The following DNAH17 variants were observed in gnomAD, a reference collection of about 807,000 sequenced individuals.
The protein encoded by DNAH17 is dynein axonemal heavy chain 17.
A neutral mutation model predicts 485.6 loss-of-function variants in DNAH17; 376 were observed. That is an observed-to-expected ratio of 0.77 (90% confidence interval 0.71 to 0.84). The LOEUF (loss-of-function observed/expected upper bound fraction) is 0.84, where lower values mean the gene tolerates loss of function less well. Among genes scored for constraint, DNAH17 ranks in the 40% least tolerant of loss-of-function variants. DNAH17 has a pLI of 0.00. For synonymous variants in DNAH17, 3,031 were observed against 2,405.9 expected (o/e 1.26, Z -7.60); for missense variants, 6,370 against 5,839.3 (o/e 1.09, Z -2.96).
In DNAH17 at chr17:78,515,133, T is replaced by C. The variant is rs2090747612; in HGVS notation, c.3865-111A>G. 4.1e-6 allele frequency: 5 copies of C among 1,233,590 alleles called. No individual in the cohort carries two copies. In the East Asian group the frequency reaches 1.2e-4, roughly 31 times the overall value. 76.4% of individuals were successfully genotyped at this position (1,233,590 alleles called of 1,614,324 possible). A position where few individuals can be genotyped will look rare whatever the true frequency, so the allele number is the denominator to read the frequency against. On this transcript the variant is annotated intron_variant, in intron 25 of 80. Coordinates refer to ENST00000389840, the MANE Select transcript of DNAH17 (RefSeq NM_173628.4). The stretch of plus-strand genomic sequence containing the variant: ...GCAGGGAGCAAAGCCCAGTGAGGAA[T>C]ATTTAGAACTAATACCCGAGATCAG...
chr17:78,535,645 C>A (rs935813548), intron 19 of DNAH17, among the ~76,000 whole-genome samples: 12 of 152,214 alleles, frequency 7.9e-5, no homozygotes, highest in African/African-American at 2.7e-4. Context: ...TCAAACAACG[C>A]AGAAATGCAT....
At chr17:78,521,640 A>T (rs377400165) in intron 25 of DNAH17, among the ~76,000 whole-genome samples, 13 of 152,324 alleles carry the variant, frequency 8.5e-5, no homozygotes, top group South Asian at 2.1e-4. Flanking sequence ...CTATGAAAGG[A>T]AAAATTGATA....
intron 13 of DNAH17, 97 bp from the exon 14 acceptor site, chr17:78,558,351 G>A: frequency 1.4e-6 from 2 of 1,439,580 alleles, no homozygotes; most frequent in Non-Finnish European, 1.9e-6. Flanking sequence ...GGGATGTTTT[G>A]ACAGCCGGGG....
chr17:78,481,249 C>A lies in DNAH17; in HGVS notation c.7650-463G>T, dbSNP rs144316664. On this transcript the variant is annotated intron_variant, in intron 48 of 80. Coordinates refer to ENST00000389840, the MANE Select transcript of DNAH17 (RefSeq NM_173628.4). The stretch of plus-strand genomic sequence containing the variant: ...TCCCGAGTAGCTGAGACTACAGGTG[C>A]CCGCCACCATGCCTGGCTAATTTTT... Among the ~76,000 whole-genome samples, 1,461 of 151,048 alleles carry A rather than the reference C, an allele frequency of 9.7e-3. 17 individuals carry two copies. The highest frequency in any genetic ancestry group is 0.033 in the African/African-American group (1,337 of 41,042).
Position 78,503,101 on chromosome 17 carries a change from A to G in DNAH17, c.4957-90T>C, listed in dbSNP as rs919042189. ...GTTTGTATTTGTTGTAAAGAAAAACATTTCTCATCATCCTCATCCCAGGGG... is the reference window on the plus strand; with the variant it reads ...GTTTGTATTTGTTGTAAAGAAAAACGTTTCTCATCATCCTCATCCCAGGGG... On this transcript the variant is annotated intron_variant, in intron 31 of 80. Transcript: ENST00000389840. 2.7e-5 allele frequency: 39 copies of G among 1,446,320 alleles called. No individual in the cohort carries two copies. The African/African-American group carries it at 5.4e-4, about 20-fold the overall frequency. 89.6% of individuals were successfully genotyped at this position (1,446,320 alleles called of 1,614,324 possible). A position where few individuals can be genotyped will look rare whatever the true frequency, so the allele number is the denominator to read the frequency against.
At chr17:78,548,352 C>T (rs1261304341) in intron 16 of DNAH17, among the ~76,000 whole-genome samples, 1 of 151,874 alleles carries the variant, frequency 6.6e-6, no homozygotes, top group Non-Finnish European at 1.5e-5. Context: ...CTACAGGCGC[C>T]CGCCACTACA....
chr17:78,472,467 G>C (rs1040145496), intron 54 of DNAH17, among the ~76,000 whole-genome samples: 9 of 152,142 alleles, frequency 5.9e-5, no homozygotes, highest in African/African-American at 2.2e-4. Flanking sequence ...TCATTTGCAG[G>C]AAGCTGGCGG....
chr17:78,543,671 C>T (rs1008686195), intron 17 of DNAH17, 186 bp downstream of exon 17: 20 of 838,406 alleles, frequency 2.4e-5, no homozygotes, highest in African/African-American at 6.7e-5. Context: ...GTGATCCGCC[C>T]GACTCAGCCT....
chr17:78,443,739 G>C (rs949738550), intron 71 of DNAH17, among the ~76,000 whole-genome samples: 1 of 152,052 alleles, frequency 6.6e-6, no homozygotes, highest in Non-Finnish European at 1.5e-5. Context: ...TTGTAGAGAT[G>C]GGGTCTCACT....
rs143375889 is a variant in DNAH17, at chr17:78,479,116, G to T, written c.7901C>A (p.Ala2634Asp). Residue 2634 changes from alanine to aspartate, a missense_variant and splice_region_variant, in exon 51 of 81, where the codon GCT (alanine) becomes GAT (aspartate). By Grantham distance (126) the Ala-to-Asp change is moderately radical. Transcript: ENST00000389840. ...TGTTGCCGTGATTTTCTGATGCAAA[G>T]CTGTTAGAGGAAAAGGACGTGTCAA... ...ISSQLVAAAL[A>D]LHQKITATFL... 2 of 1,613,854 alleles carry T rather than the reference G, an allele frequency of 1.2e-6. No homozygotes were observed. The highest frequency in any genetic ancestry group is 1.7e-6 in the Non-Finnish European group (2 of 1,179,842).
chr17:78,498,792 C>T (rs2090168016), intron 37 of DNAH17: 10 of 411,754 alleles, frequency 2.4e-5, no homozygotes, highest in Middle Eastern at 5.9e-4. Context: ...CGTTTGCTAC[C>T]ATACATGTAA....
At chr17:78,556,615 C>T (rs2092029398) in intron 14 of DNAH17, among the ~76,000 whole-genome samples, 1 of 152,050 alleles carries the variant, frequency 6.6e-6, no homozygotes, top group East Asian at 1.9e-4. Context: ...GAGTGGAATC[C>T]ATAAGAAATG....
At position 78,425,362 on chromosome 17, in the gene DNAH17, G is replaced by A. The variant is rs1134541; in HGVS notation, c.13125C>T (p.Tyr4375=). The A allele has an allele frequency of 0.095, 153,467 of 1,613,696 alleles. 8,011 individuals are homozygous for A. The highest frequency in any genetic ancestry group is 0.18 in the African/African-American group (13,239 of 74,996). ...TAPPREGSYV[Y]GLFMEGARWD... is the part of the protein sequence containing the mutation. ...CCTCCTTACCTTCCATGAAGAGTCC[G>A]TACACGTAGGAGCCCTCTCGCGGAG... is the stretch of plus-strand genomic sequence containing the variant. Residue 4375 remains tyrosine, a synonymous_variant, in exon 80 of 81, where the codon TAC becomes TAT. Transcript: ENST00000389840.
intron 16 of DNAH17, among the ~76,000 whole-genome samples, chr17:78,548,536 G>A (rs1192577244): frequency 6.6e-6 from 1 of 152,128 alleles, no homozygotes; most frequent in Non-Finnish European, 1.5e-5. Context: ...AAATGTCTTA[G>A]GTTTACTAAA....
rs2092068311 is a variant in DNAH17 at position 78,558,138 on chromosome 17, G to A, written c.2148C>T (p.Asn716=). ...ENETFRKFVG[N]LELIVGWYNE... ...TATACCAGCCAACGATGAGCTCCAG[G>A]TTGCCCACAAACTTCCGGAAAGTTT... Residue 716 remains asparagine, a synonymous_variant, in exon 14 of 81, where the codon AAC becomes AAT. Coordinates refer to ENST00000389840, the MANE Select transcript of DNAH17 (RefSeq NM_173628.4). 2.5e-6 allele frequency: 4 copies of A among 1,613,744 alleles called. No individual in the cohort carries two copies. The highest frequency in any genetic ancestry group is 3.4e-6 in the Non-Finnish European group (4 of 1,179,824).
At chr17:78,548,999 A>T (rs1385652312) in intron 16 of DNAH17, among the ~76,000 whole-genome samples, 1 of 152,222 alleles carries the variant, frequency 6.6e-6, no homozygotes, top group Non-Finnish European at 1.5e-5. Context: ...AGTGATGGGG[A>T]TGGAGACACA....
intron 75 of DNAH17, among the ~76,000 whole-genome samples, chr17:78,429,718 C>T (rs542926742): frequency 1.3e-5 from 2 of 152,224 alleles, no homozygotes; most frequent in Admixed American, 6.5e-5. Flanking sequence ...CTGCCCTTCA[C>T]GGTCCAATTT....
chr17:78,424,229 C>T, intron 80 of DNAH17, 76 bp from the exon 81 acceptor site: 1 of 1,517,330 alleles, frequency 6.6e-7, no homozygotes, highest in Non-Finnish European at 8.8e-7. Context: ...GGGTGGGGTC[C>T]TCACACTCCC....
At position 78,485,761 on chromosome 17, in the gene DNAH17, G is replaced by A. The variant is rs373210362; in HGVS notation, c.7276-4C>T. 59 of 1,612,922 alleles carry A rather than the reference G, an allele frequency of 3.7e-5. No individual in the cohort carries two copies. Among genetic ancestry groups the A allele is most frequent in the Non-Finnish European group, 4.8e-5 (57 of 1,179,394 alleles). ...CCGTGGTGTGGACCAAAGAGGCCTG[G>A]GGCAGGGGAGGGAAGGGGAGGGAGC... On this transcript the variant is annotated splice_polypyrimidine_tract_variant and splice_region_variant and intron_variant, in intron 46 of 80. Coordinates refer to ENST00000389840, the MANE Select transcript of DNAH17 (RefSeq NM_173628.4).
Sources: allele counts gnomAD v4.1 joint callset (sites outside exome capture counted in the v4.1 genomes callset), GRCh38; gene constraint gnomAD v4.1.1; transcripts MANE v1.5; gene names NCBI Gene and HGNC (gene_info 2026-07-23, HGNC 2026-07-21).